The following PRSS23 variants were observed in gnomAD, a reference collection of about 807,000 sequenced individuals.
PRSS23 encodes the protein serine protease 23, also known as protease, serine 23.
PRSS23 carries 25 observed loss-of-function variants against 34.7 expected under a neutral mutation model. The ratio of observed to expected loss-of-function variants is 0.72; its 90% CI spans 0.53 to 1.01. PRSS23 has a LOEUF of 1.01. PRSS23 is among the 50% of genes least tolerant of loss of function. The pLI, the probability that PRSS23 is intolerant of heterozygous loss-of-function variation, is 0.00. For missense variants in PRSS23, 445 were observed against 475.6 expected, an observed-to-expected ratio of 0.94 and a Z score of 0.60; for synonymous variants, 176 against 186.6, an observed-to-expected ratio of 0.94 and a Z score of 0.46.
At chr11:86,813,250 T>C (rs1948192799), downstream of PRSS23, among the ~76,000 whole-genome samples, 1 of 152,224 alleles carries the variant, frequency 6.6e-6, no homozygotes, top group African/African-American at 2.4e-5. Context: ...TCTTGTTTCC[T>C]ATTTGCATAA....
chr11:86,882,089 C>T (rs1473498685), intron 2 of PRSS23, among the ~76,000 whole-genome samples: 38 of 152,116 alleles, frequency 2.5e-4, no homozygotes, highest in Admixed American at 2.5e-3. Context: ...TTTTACTATT[C>T]TCGATTTCAT....
At chr11:86,821,826 G>A (rs17758400) in intron 1 of PRSS23, 58,481 of 606,178 alleles carry the variant, frequency 0.096, 3,383 homozygotes, top group Non-Finnish European at 0.12. Flanking sequence ...TAGTGTCAGC[G>A]TCTGGGCCTA....
intron 2 of PRSS23, chr11:86,950,385 T>C (rs1028644307): frequency 6.6e-6 from 1 of 152,638 alleles, no homozygotes; most frequent in Non-Finnish European, 1.5e-5. Context: ...TCTATAAAAA[T>C]ACCTTTTTTG....
intron 2 of PRSS23, among the ~76,000 whole-genome samples, chr11:86,861,914 G>A (rs976973733): frequency 1.3e-5 from 2 of 151,728 alleles, no homozygotes; most frequent in African/African-American, 2.4e-5. Context: ...AATATCCAGC[G>A]TGGAGAGGAT....
At chr11:86,853,236 GC>G (rs1948543479) in intron 2 of PRSS23, among the ~76,000 whole-genome samples, 2 of 124,884 alleles carry the variant, frequency 1.6e-5, no homozygotes, top group African/African-American at 6.4e-5. Flanking sequence ...TGTCACAAGT[GC>G]CTGCCTTTTT....
chr11:86,829,538 C>A (rs565321554), intron 2 of PRSS23, among the ~76,000 whole-genome samples: 2 of 152,210 alleles, frequency 1.3e-5, no homozygotes, highest in South Asian at 2.1e-4. Context: ...TGAGAAGCTG[C>A]GTTCCTTTGG....
chr11:86,852,469 G>A (rs1018883668), intron 2 of PRSS23, among the ~76,000 whole-genome samples: 2 of 152,164 alleles, frequency 1.3e-5, no homozygotes, highest in African/African-American at 4.8e-5. Flanking sequence ...GAAAGCTTGT[G>A]TATATTATTC....
intron 2 of PRSS23, among the ~76,000 whole-genome samples, chr11:86,923,380 A>C (rs1291287834): frequency 6.6e-6 from 1 of 152,120 alleles, no homozygotes; most frequent in Non-Finnish European, 1.5e-5. Flanking sequence ...AAGCCTCCCA[A>C]ATTGCTGGGA....
chr11:86,823,536 C>T (rs1260197193), exon 2 of PRSS23: 20 of 702,592 alleles, frequency 2.8e-5, no homozygotes, highest in Middle Eastern at 4.6e-4. Flanking sequence ...GAAGCAGAGA[C>T]ACCAGGACAG....
At chr11:86,882,816 C>T (rs1009095763) in intron 2 of PRSS23, among the ~76,000 whole-genome samples, 1 of 152,212 alleles carries the variant, frequency 6.6e-6, no homozygotes, top group Non-Finnish European at 1.5e-5. Context: ...TACACTCCTA[C>T]CGACAGTGTG....
rs1234781943 is a variant in PRSS23 at position 86,808,222 on chromosome 11, C to T, written c.579C>T (p.Gly193=). The change falls in exon 2 of 2, where the codon GGC becomes GGT. Residue 193 remains glycine (G), a synonymous_variant. Transcript: ENST00000280258. The part of the protein sequence containing the change: ...YVKGTQKLRV[G]FLKPKFKDGG... ...AAGGAACCCAGAAGCTTCGAGTGGG[C>T]TTCCTAAAGCCCAAGTTTAAAGATG... 4 of 1,614,150 alleles carry T rather than the reference C, an allele frequency of 2.5e-6. No individual in the cohort carries two copies. The highest frequency in any genetic ancestry group is 3.4e-6 in the Non-Finnish European group (4 of 1,180,038).
chr11:86,887,413 C>CAA (rs11325675), intron 2 of PRSS23, among the ~76,000 whole-genome samples: 1 of 138,186 alleles, frequency 7.2e-6, no homozygotes, highest in Non-Finnish European at 1.6e-5. Flanking sequence ...CAAAACAAAA[C>CAA]AAAAAAAAAA....
intron 2 of PRSS23, chr11:86,910,668 A>G (rs1948971373): frequency 6.6e-6 from 1 of 152,150 alleles, no homozygotes; most frequent in African/African-American, 2.4e-5. Flanking sequence ...GGCATTCTAA[A>G]TATTCTCTCT....
chr11:86,833,162 G>C (rs1948373923), intron 2 of PRSS23: 1 of 866,712 alleles, frequency 1.2e-6, no homozygotes, highest in South Asian at 1.3e-5. Flanking sequence ...AGAGACATCT[G>C]AGTCAGGCAG....
intron 2 of PRSS23, among the ~76,000 whole-genome samples, chr11:86,829,590 T>C (rs1948333711): frequency 6.6e-6 from 1 of 152,230 alleles, no homozygotes; most frequent in African/African-American, 2.4e-5. Context: ...CCAGTTTTTC[T>C]GCTCTGTTTT....
chr11:86,932,477 G>C (rs1473717316), intron 2 of PRSS23, among the ~76,000 whole-genome samples: 1 of 152,108 alleles, frequency 6.6e-6, no homozygotes, highest in Non-Finnish European at 1.5e-5. Context: ...AAATACATGG[G>C]GGCTGCTTGC....
chr11:86,942,946 G>A lies in PRSS23; in HGVS notation c.207-8270G>A, dbSNP rs149504726. Among the ~76,000 whole-genome samples the A allele has an allele frequency of 6.4e-3, 979 of 152,326 alleles. 9 individuals are homozygous for A. The highest frequency in any genetic ancestry group is 8.4e-3 in the Admixed American group (128 of 15,306). ...GTACACAGAACCTCTGAAAACAGGA[G>A]GCCAAGGCTGACCTCTTTAGTCAAG... On this transcript the variant is annotated intron_variant, in intron 2 of 2. Transcript: ENST00000533902.
chr11:86,939,431 T>TTTTTTTAAAAAATATATA, intron 2 of PRSS23, among the ~76,000 whole-genome samples: 1 of 141,752 alleles, frequency 7.1e-6, no homozygotes, highest in Non-Finnish European at 1.5e-5. Flanking sequence ...TATATATTTT[T>TTTTTTTAAAAAATATATA]TAACATGAGT....
intron 2 of PRSS23, among the ~76,000 whole-genome samples, chr11:86,837,800 T>C (rs1565361638): frequency 6.6e-6 from 1 of 152,138 alleles, no homozygotes; most frequent in South Asian, 2.1e-4. Context: ...TAAATGGACA[T>C]AACTGGAGAT....
Sources: allele counts gnomAD v4.1 joint callset (sites outside exome capture counted in the v4.1 genomes callset), GRCh38; gene constraint gnomAD v4.1.1; transcripts MANE v1.5; gene names NCBI Gene and HGNC (gene_info 2026-07-23, HGNC 2026-07-21).